Variants in OSMR observed in about 807,000 individuals in gnomAD.
OSMR encodes oncostatin M receptor, also known as oncostatin-M-specific receptor subunit beta.
A neutral mutation model predicts 99.9 loss-of-function variants in OSMR; 81 were observed. The ratio of observed to expected loss-of-function variants is 0.81; its 90% confidence interval spans 0.68 to 0.97. The LOEUF (loss-of-function observed/expected upper bound fraction) is 0.97. OSMR is among the 50% of genes least tolerant of loss of function. The pLI, the probability that OSMR is intolerant of heterozygous loss-of-function variation, is 0.00. For missense variants in OSMR, 1,099 were observed against 1,153.4 expected (o/e 0.95, Z 0.68); for synonymous variants, 406 against 410.4 (o/e 0.99, Z 0.13).
chr5:38,936,869 GTA>G (rs1747070339), downstream of OSMR, among the ~76,000 whole-genome samples: 1 of 152,190 alleles, frequency 6.6e-6, no homozygotes, highest in African/African-American at 2.4e-5. Context: ...AGTTGTTTTA[GTA>G]TATTTTAGTT....
chr5:38,875,577 A>T (rs964198372), intron 2 of OSMR, among the ~76,000 whole-genome samples: 2 of 152,156 alleles, frequency 1.3e-5, no homozygotes, highest in Admixed American at 1.3e-4. Flanking sequence ...CACTCTCTTG[A>T]TTATTTCATA....
intron 2 of OSMR, among the ~76,000 whole-genome samples, chr5:38,875,230 C>A (rs934093670): frequency 6.6e-6 from 1 of 152,156 alleles, no homozygotes; most frequent in Non-Finnish European, 1.5e-5. Context: ...ACTTCTGATA[C>A]CCTCACAGTT....
At chr5:38,910,600 T>G (rs1465540683) in intron 9 of OSMR, among the ~76,000 whole-genome samples, 1 of 152,206 alleles carries the variant, frequency 6.6e-6, no homozygotes, top group Non-Finnish European at 1.5e-5. Context: ...AACCTGCTCC[T>G]GAAAGACTTT....
intron 11 of OSMR, among the ~76,000 whole-genome samples, chr5:38,920,700 G>A (rs1746188343): frequency 6.6e-6 from 1 of 152,152 alleles, no homozygotes; most frequent in South Asian, 2.1e-4. Context: ...TAAAATACAG[G>A]ATGCCCAGTT....
chr5:38,904,120 T>C, intron 8 of OSMR, 96 bp downstream of exon 8: 1 of 1,563,426 alleles, frequency 6.4e-7, no homozygotes, highest in Non-Finnish European at 8.7e-7. Context: ...CTTATTTCTG[T>C]GTAGGTTCAA....
intron 7 of OSMR, among the ~76,000 whole-genome samples, chr5:38,888,590 A>G (rs994764690): frequency 6.6e-6 from 1 of 152,344 alleles, no homozygotes; most frequent in African/African-American, 2.4e-5. Context: ...AATCATTGTT[A>G]GCATATATCC....
At chr5:38,885,256 A>G in intron 5 of OSMR, 93 bp from the exon 6 acceptor site, 5 of 1,587,866 alleles carry the variant, frequency 3.1e-6, no homozygotes, top group Middle Eastern at 2.3e-4. Flanking sequence ...GTTCACAGTA[A>G]CTCTGTGGCT....
intron 15 of OSMR, among the ~76,000 whole-genome samples, chr5:38,927,243 A>C (rs1186886230): frequency 6.6e-6 from 1 of 152,150 alleles, no homozygotes; most frequent in African/African-American, 2.4e-5. Context: ...TGGGGTCTAG[A>C]GGATGGTGGC....
intron 9 of OSMR, among the ~76,000 whole-genome samples, chr5:38,911,515 C>T (rs1027358186): frequency 5.3e-5 from 8 of 152,158 alleles, no homozygotes; most frequent in African/African-American, 1.9e-4. Flanking sequence ...CCTACGGAAA[C>T]TATTCCAAAA....
chr5:38,942,374 T>C (rs375617194), intron 1 of OSMR: 1 of 1,586,504 alleles, frequency 6.3e-7, no homozygotes, highest in South Asian at 1.2e-5. Flanking sequence ...TGCTTCTTCA[T>C]GCATCTAGGG....
intron 7 of OSMR, among the ~76,000 whole-genome samples, chr5:38,899,616 C>T (rs892274754): frequency 6.6e-6 from 1 of 152,170 alleles, no homozygotes; most frequent in African/African-American, 2.4e-5. Flanking sequence ...CTTTAGTCAG[C>T]AGGTTATGGG....
intron 3 of OSMR, among the ~76,000 whole-genome samples, chr5:38,878,862 C>T (rs1743037393): frequency 6.6e-6 from 1 of 152,180 alleles, no homozygotes; most frequent in Non-Finnish European, 1.5e-5. Flanking sequence ...ACAGGTTCCA[C>T]ACATAAATAG....
At position 38,905,487 on chromosome 5, in the gene OSMR, C is replaced by CA. The variant is rs61305308; in HGVS notation, c.1285+998dup. On this transcript the variant is annotated intron_variant, in intron 9 of 17. Transcript: ENST00000274276. ...TGGGCAACAGAGTGAGACTCCATCT[C>CA]AAAAAAAAAAAAAATCATAGGAGTC... Among the ~76,000 whole-genome samples, 141 of 145,654 alleles carry CA rather than the reference C, an allele frequency of 9.7e-4. No homozygotes were observed. The Middle Eastern group carries it at 0.011, about 11-fold the overall frequency.
At chr5:38,881,816 G>T (rs372699694) in intron 4 of OSMR, 52 bp downstream of exon 4, 32 of 1,466,946 alleles carry the variant, frequency 2.2e-5, no homozygotes, top group Non-Finnish European at 3.1e-5. Flanking sequence ...ATTTTTTAAT[G>T]AGGAGCAATA....
chr5:38,883,405 A>G (rs1262491269), intron 4 of OSMR, among the ~76,000 whole-genome samples: 1 of 152,256 alleles, frequency 6.6e-6, no homozygotes, highest in Admixed American at 6.5e-5. Context: ...TGGCTTTGCC[A>G]CTTTCTAACT....
chr5:38,878,272 T>G (rs1048386772), intron 3 of OSMR, among the ~76,000 whole-genome samples: 1 of 152,184 alleles, frequency 6.6e-6, no homozygotes, highest in African/African-American at 2.4e-5. Context: ...ATGCTGCTTC[T>G]GTTTAGACCA....
intron 7 of OSMR, among the ~76,000 whole-genome samples, chr5:38,895,453 A>T (rs1233085110): frequency 6.6e-6 from 1 of 152,072 alleles, no homozygotes; most frequent in African/African-American, 2.4e-5. Flanking sequence ...AGAAATGTCT[A>T]TTCAGGTCTT....
At chr5:38,940,448 G>A (rs16867891), downstream of OSMR, 2,906 of 232,602 alleles carry the variant, frequency 0.012, 109 homozygotes, top group East Asian at 0.091. Context: ...TGGTTCTCTG[G>A]AAAGGCAGTT....
In OSMR at chr5:38,934,541, G is replaced by A. The variant is rs192991465; in HGVS notation, c.*1097G>A. On this transcript the variant is annotated 3_prime_UTR_variant, in exon 18 of 18. Transcript: ENST00000274276. ...CACCTGGTACACAACTGGTATTTTA[G>A]TACATGTTGGTTCTTTTGGTGCAAT... The A allele has an allele frequency of 3.3e-5, 5 of 152,170 alleles. No individual in the cohort carries two copies. Among genetic ancestry groups the A allele is most frequent in the Admixed American group, 2.6e-4 (4 of 15,280 alleles). The allele number at this position is 152,170 out of a possible 1,614,324, so 9.4% of individuals were successfully genotyped here. A position where few individuals can be genotyped will look rare whatever the true frequency, so the allele number is the denominator to read the frequency against.
Sources: gnomAD v4.1 joint callset for allele counts (sites outside exome capture counted in the v4.1 genomes callset) on GRCh38, gnomAD v4.1.1 for gene constraint, MANE v1.5 for transcripts, NCBI Gene and HGNC (gene_info 2026-07-23, HGNC 2026-07-21) for gene names.